The following C5orf22 variants were observed in gnomAD, a reference collection of about 807,000 sequenced individuals.
The protein encoded by C5orf22 is UPF0489 protein C5orf22.
A neutral mutation model predicts 48.7 loss-of-function variants in C5orf22; 36 were observed. The observed-to-expected ratio is 0.74, with a 90% CI of 0.57 to 0.98. C5orf22 has a LOEUF of 0.98. Ranked by LOEUF, C5orf22 falls within the 50% of genes least tolerant of loss-of-function variation. C5orf22 has a pLI of 0.00. For synonymous variants in C5orf22, 141 were observed against 180.8 expected (o/e 0.78, Z 1.76); for missense variants, 486 against 521.9 (o/e 0.93, Z 0.67).
chr5:31,550,163 T>C (rs1428488347), intron 7 of C5orf22, among the ~76,000 whole-genome samples: 1 of 152,242 alleles, frequency 6.6e-6, no homozygotes, highest in Non-Finnish European at 1.5e-5. Context: ...AAATTGTTGA[T>C]GTGTATCCAA....
chr5:31,542,317 G>A (rs567818080), intron 6 of C5orf22, among the ~76,000 whole-genome samples: 119 of 151,574 alleles, frequency 7.9e-4, no homozygotes, highest in African/African-American at 2.8e-3. Flanking sequence ...AAAATTAGCC[G>A]GGCATAGTGG....
chr5:31,552,998 A>G lies in C5orf22; in HGVS notation c.*96A>G, dbSNP rs1301340360. ...TGAGTCTTCCAGAGAACACTGTTTTATATTAACTTTCAGTTGAAATCTTTC... is the reference window on the plus strand; with the variant it reads ...TGAGTCTTCCAGAGAACACTGTTTTGTATTAACTTTCAGTTGAAATCTTTC... On this transcript the variant is annotated 3_prime_UTR_variant, in exon 9 of 9. Transcript: ENST00000325366. 1.9e-6 allele frequency: 2 copies of G among 1,072,388 alleles called. No homozygotes were observed. Among genetic ancestry groups the G allele is most frequent in the Admixed American group, 2.4e-5 (1 of 42,370 alleles). 66.4% of individuals were successfully genotyped at this position (1,072,388 alleles called of 1,614,324 possible).
chr5:31,546,534 C>G (rs1291819485), intron 7 of C5orf22, among the ~76,000 whole-genome samples: 3 of 152,198 alleles, frequency 2.0e-5, no homozygotes, highest in Non-Finnish European at 2.9e-5. Flanking sequence ...TGTCTATTTT[C>G]ACACTGCTGA....
Position 31,554,692 on chromosome 5 carries a change from T to C in C5orf22, c.*1790T>C, listed in dbSNP as rs1743490907. On this transcript the variant is annotated 3_prime_UTR_variant, in exon 9 of 9. Transcript: ENST00000325366. ...CTAATTAATGTGTGTGATCCTAGTA[T>C]GTTGATAGCTTTGATTTTGTGAGTG... The C allele has an allele frequency of 6.6e-6, 1 of 152,344 alleles. No individual in the cohort carries two copies. Among genetic ancestry groups the C allele is most frequent in the Non-Finnish European group, 1.5e-5 (1 of 68,032 alleles). The allele number at this position is 152,344 out of a possible 1,614,324, so 9.4% of individuals were successfully genotyped here.
Position 31,540,935 on chromosome 5 carries a change from GT to G in C5orf22, c.808-10del. The stretch of plus-strand genomic sequence containing the variant: ...TTTTTTTCTGGTATGTGGATTTTTT[GT>G]TTTGTTTTCCAGGAAGAGTACAAAA... On this transcript the variant is annotated splice_polypyrimidine_tract_variant and intron_variant, in intron 4 of 8. Transcript: ENST00000325366. 2 of 1,582,528 alleles carry G rather than the reference GT, an allele frequency of 1.3e-6. No homozygotes were observed. Among genetic ancestry groups the G allele is most frequent in the Non-Finnish European group, 1.7e-6 (2 of 1,163,152 alleles).
intron 8 of C5orf22, 40 bp downstream of exon 8, chr5:31,551,472 G>T: frequency 6.7e-7 from 1 of 1,486,574 alleles, no homozygotes; most frequent in Non-Finnish European, 9.3e-7. Flanking sequence ...TCAGAGATGT[G>T]CACATCCTAA....
At chr5:31,541,664 T>C (rs1286887060) in intron 6 of C5orf22, among the ~76,000 whole-genome samples, 1 of 152,050 alleles carries the variant, frequency 6.6e-6, no homozygotes, top group Non-Finnish European at 1.5e-5. Context: ...TCCCAGCTAC[T>C]TGGGAGGCTG....
At chr5:31,542,886 A>G (rs565248588) in intron 6 of C5orf22, among the ~76,000 whole-genome samples, 4 of 152,224 alleles carry the variant, frequency 2.6e-5, no homozygotes, top group African/African-American at 9.6e-5. Context: ...AATCAGTTGT[A>G]AGGTAGCAAG....
intron 4 of C5orf22, among the ~76,000 whole-genome samples, chr5:31,539,753 C>T (rs1284967022): frequency 1.3e-5 from 2 of 151,066 alleles, no homozygotes; most frequent in African/African-American, 4.9e-5. Context: ...TTCTTAAGAG[C>T]ATGTTCAGGC....
At position 31,545,753 on chromosome 5, in the gene C5orf22, A is replaced by T. The variant is rs1742844122; in HGVS notation, c.1059+41A>T. 2.2e-6 allele frequency: 3 copies of T among 1,335,300 alleles called. No homozygotes were observed. In the South Asian group the frequency reaches 3.8e-5, roughly 17 times the overall value. The allele number at this position is 1,335,300 out of a possible 1,614,324, so 82.7% of individuals were successfully genotyped here. On this transcript the variant is annotated intron_variant, in intron 7 of 8. Transcript: ENST00000325366. ...TAATGTGTAAAATTGACCCTTTGTA[A>T]AGACAATTTTCTGGGTAGAAGAATT...
chr5:31,532,338 C>G lies in C5orf22; in HGVS notation c.-55C>G. On this transcript the variant is annotated 5_prime_UTR_variant, in exon 1 of 9. Transcript: ENST00000325366. ...CTGGCCGGGATGAGGCGCCGGCTTT[C>G]CCGGGTCTTCTCCAGCTGCCACCGC... is the stretch of plus-strand genomic sequence containing the variant. 6.3e-7 allele frequency: 1 copy of G among 1,584,228 alleles called. No individual in the cohort carries two copies. The highest frequency in any genetic ancestry group is 8.7e-7 in the Non-Finnish European group (1 of 1,153,496).
At chr5:31,534,593 A>T in intron 2 of C5orf22, 176 bp downstream of exon 2, 1 of 597,642 alleles carries the variant, frequency 1.7e-6, no homozygotes, top group Non-Finnish European at 2.9e-6. Flanking sequence ...AAAGAGCCAG[A>T]TTAGCAAATA....
chr5:31,538,758 C>A (rs1742270818), intron 4 of C5orf22, 69 bp downstream of exon 4: 1 of 1,191,952 alleles, frequency 8.4e-7, no homozygotes, highest in Non-Finnish European at 1.2e-6. Context: ...GAGGAACCAG[C>A]AAACTCTTTA....
chr5:31,546,359 T>G (rs773034714), intron 7 of C5orf22, among the ~76,000 whole-genome samples: 1 of 152,262 alleles, frequency 6.6e-6, no homozygotes, highest in South Asian at 2.1e-4. Flanking sequence ...CTTCCAAGTC[T>G]CCTTCCTCTT....
intron 1 of C5orf22, 124 bp from the exon 2 acceptor site, chr5:31,534,148 A>G (rs1486048657): frequency 2.4e-6 from 2 of 848,614 alleles, no homozygotes; most frequent in Admixed American, 2.8e-5. Flanking sequence ...ATGTTTTTCC[A>G]CTTTACAGCA....
At position 31,554,868 on chromosome 5, in the gene C5orf22, C is replaced by T. The variant is rs1367646922; in HGVS notation, c.*1966C>T. ...CATCTCTTTGAGAATAAAATTCAGT[C>T]CCTAATAGTTGAAAAGAATCAACTT... On this transcript the variant is annotated 3_prime_UTR_variant, in exon 9 of 9. Transcript: ENST00000325366. The T allele has an allele frequency of 2.0e-5, 3 of 152,102 alleles. No individual in the cohort carries two copies. Among genetic ancestry groups the T allele is most frequent in the African/African-American group, 7.2e-5 (3 of 41,414 alleles). The allele number at this position is 152,102 out of a possible 1,614,324, so 9.4% of individuals were successfully genotyped here.
intron 4 of C5orf22, among the ~76,000 whole-genome samples, chr5:31,540,478 C>T (rs1742385463): frequency 6.6e-6 from 1 of 152,164 alleles, no homozygotes; most frequent in Non-Finnish European, 1.5e-5. Context: ...CTTTGTACTT[C>T]AGAGATCTCT....
chr5:31,532,314 TG>T lies in C5orf22; in HGVS notation c.-77del. The stretch of plus-strand genomic sequence containing the variant: ...GGGAGCGCTTCCGCCCGGAGAGAGC[TG>T]GCCGGGATGAGGCGCCGGCTTTCCC... On this transcript the variant is annotated 5_prime_UTR_variant, in exon 1 of 9. Coordinates refer to ENST00000325366, the MANE Select transcript of C5orf22 (RefSeq NM_018356.3). 6.9e-7 allele frequency: 1 copy of T among 1,454,506 alleles called. No individual in the cohort carries two copies. Among genetic ancestry groups the T allele is most frequent in the Non-Finnish European group, 9.6e-7 (1 of 1,037,414 alleles). 90.1% of individuals were successfully genotyped at this position (1,454,506 alleles called of 1,614,324 possible).
At position 31,532,410 on chromosome 5, in the gene C5orf22, A is replaced by G. The variant is rs758497145; in HGVS notation, c.18A>G (p.Gly6=). ...GCAAAAACATGAGTGACTCCGCGGG[A>G]GGGCGCGCTGGTCTCCGGCGTTACC... The part of the protein sequence containing the change: MSDSA[G]GRAGLRRYPK... The change falls in exon 1 of 9, where the codon GGA becomes GGG. Residue 6 remains glycine, a synonymous_variant. Transcript: ENST00000325366. The G allele has an allele frequency of 3.7e-6, 6 of 1,613,674 alleles. No homozygotes were observed. The African/African-American group carries it at 8.0e-5, about 22-fold the overall frequency.
Sources: allele counts gnomAD v4.1 joint callset (sites outside exome capture counted in the v4.1 genomes callset), GRCh38; gene constraint gnomAD v4.1.1; transcripts MANE v1.5; gene names NCBI Gene and HGNC (gene_info 2026-07-23, HGNC 2026-07-21).